Variants in MTERF4 observed in about 807,000 individuals in gnomAD.
MTERF4 encodes the protein transcription termination factor 4, mitochondrial.
Under a neutral mutation model 22.5 loss-of-function variants are expected in MTERF4, and 17 were observed. The observed-to-expected ratio is 0.75, with a 90% confidence interval of 0.52 to 1.13. MTERF4 has a LOEUF of 1.13. Ranked by LOEUF, MTERF4 falls within the 50% of genes most tolerant of loss-of-function variation. The pLI is 0.00. For synonymous variants in MTERF4, 165 were observed against 175.3 expected (o/e 0.94, Z 0.47); for missense variants, 420 against 466.8 (o/e 0.90, Z 0.92).
downstream of MTERF4, chr2:241,071,602 T>C (rs373292701): frequency 5.0e-6 from 8 of 1,588,458 alleles, no homozygotes; most frequent in East Asian, 2.3e-5. Flanking sequence ...TGACAGACGC[T>C]GGCACCAGGG....
chr2:241,058,777 C>T, the MTERF4 span, among the ~76,000 whole-genome samples: 2 of 152,036 alleles, frequency 1.3e-5, no homozygotes, highest in Non-Finnish European at 2.9e-5. Flanking sequence ...GGTGAAACCC[C>T]GTCTCTACTA....
the MTERF4 span, among the ~76,000 whole-genome samples, chr2:241,065,839 A>G: frequency 5.3e-5 from 8 of 152,024 alleles, no homozygotes; most frequent in African/African-American, 1.9e-4. Context: ...CAAGAGTGGG[A>G]GCAGCACAAC....
chr2:241,063,799 C>T, the MTERF4 span: 3 of 975,558 alleles, frequency 3.1e-6, no homozygotes, highest in South Asian at 1.6e-5. Flanking sequence ...GGGCAGGCCA[C>T]CTGGGGAGAG....
chr2:241,076,951 C>T (rs933860494), intron 4 of MTERF4, among the ~76,000 whole-genome samples: 12 of 152,060 alleles, frequency 7.9e-5, no homozygotes, highest in Non-Finnish European at 1.3e-4. Flanking sequence ...TGGTGGCGGG[C>T]GCCTGTGGTC....
At chr2:241,048,486 G>T in the MTERF4 span, 2 of 1,558,190 alleles carry the variant, frequency 1.3e-6, no homozygotes, top group Non-Finnish European at 1.7e-6. Context: ...TGGGGCAGGA[G>T]ACCCAGGGAG....
downstream of MTERF4, chr2:241,070,163 C>A (rs1329051630): frequency 1.9e-6 from 3 of 1,599,680 alleles, no homozygotes; most frequent in Non-Finnish European, 2.5e-6. Context: ...GAGCTCGGGC[C>A]GCAGCACAGC....
chr2:241,049,267 A>C, the MTERF4 span: 4 of 663,784 alleles, frequency 6.0e-6, no homozygotes, highest in Admixed American at 4.9e-5. Flanking sequence ...GCACCTGGGG[A>C]AGCCTCTCTC....
At chr2:241,065,331 A>G in the MTERF4 span, 1,058 of 1,612,838 alleles carry the variant, frequency 6.6e-4, 7 homozygotes, top group African/African-American at 0.011. Context: ...CAAGATGGAG[A>G]GAGTGGAGGA....
chr2:241,064,238 C>T, the MTERF4 span: 3 of 714,696 alleles, frequency 4.2e-6, no homozygotes, highest in Non-Finnish European at 4.5e-6. The surrounding 1 kb of genome is among the most constrained non-coding windows in gnomAD (Gnocchi z 7.0). Context: ...CCGCCTGCTC[C>T]CCGCCCTCTG....
the MTERF4 span, among the ~76,000 whole-genome samples, chr2:241,056,901 A>C: frequency 6.6e-6 from 1 of 152,280 alleles, no homozygotes; most frequent in South Asian, 2.1e-4. Flanking sequence ...ATGTTTTAAA[A>C]AACAGCATCA....
the MTERF4 span, among the ~76,000 whole-genome samples, chr2:241,063,156 C>T: frequency 6.6e-6 from 1 of 152,216 alleles, no homozygotes; most frequent in African/African-American, 2.4e-5. Context: ...AGGTGGGCGT[C>T]GGAGAGGGCA....
At chr2:241,051,782 G>A in the MTERF4 span, 4 of 1,552,270 alleles carry the variant, frequency 2.6e-6, no homozygotes, top group African/African-American at 1.4e-5. This position sits in a 1 kb window ranked among gnomAD's most constrained non-coding sequence, Gnocchi z 4.7. Flanking sequence ...CTGCCGGAAC[G>A]GGGGCACGTG....
Position 241,096,063 on chromosome 2 carries a change from CGTCATCCTCATCATT to C in MTERF4, c.1066_1080del (p.Asn356_Asp360del), listed in dbSNP as rs745932546. 1,032 of 1,613,370 alleles carry C rather than the reference CGTCATCCTCATCATT, an allele frequency of 6.4e-4. 5 individuals are homozygous for C. Among genetic ancestry groups the C allele is most frequent in the South Asian group, 5.4e-3 (489 of 91,064 alleles). On this transcript the variant is annotated inframe_deletion, in exon 4 of 4. Coordinates refer to ENST00000391980, the MANE Select transcript of MTERF4 (RefSeq NM_182501.4). This position sits in a 1 kb window ranked among gnomAD's most constrained non-coding sequence, Gnocchi z 5.1. ...TCCGCCTCGTCGTCGTCCTCATCAT[CGTCATCCTCATCATT>C]GTCATCCTCATCATTGTCCTCCTCA...
the MTERF4 span, among the ~76,000 whole-genome samples, chr2:241,052,693 G>T: frequency 6.7e-5 from 2 of 30,004 alleles, 1 homozygote; most frequent in Non-Finnish European, 1.2e-4. Context: ...GGGTCGGCGG[G>T]GGGGGGGGGG....
At chr2:241,088,513 A>C, downstream of MTERF4, 1 of 873,100 alleles carries the variant, frequency 1.1e-6, no homozygotes. Context: ...AGCACTGCTA[A>C]AGGAAGCGCG....
chr2:241,085,860 C>CTTTTTTTTTTTTTT (rs772995766), downstream of MTERF4, among the ~76,000 whole-genome samples: 5 of 79,162 alleles, frequency 6.3e-5, no homozygotes, highest in East Asian at 4.2e-4. Flanking sequence ...TCTGCGGTTT[C>CTTTTTTTTTTTTTT]TTTTTTTTTT....
At chr2:241,042,707 A>G in the MTERF4 span, among the ~76,000 whole-genome samples, 53 of 152,348 alleles carry the variant, frequency 3.5e-4, no homozygotes, top group African/African-American at 1.0e-3. Context: ...AATGAAAAAT[A>G]TATCTGAGTT....
chr2:241,101,136 T>C (rs904924213), intron 1 of MTERF4: 6 of 461,922 alleles, frequency 1.3e-5, no homozygotes, highest in Admixed American at 4.7e-5. Context: ...CACGTTGTAA[T>C]ATAAGATGAA....
At chr2:241,098,254 T>C (rs2064545248) in intron 2 of MTERF4, among the ~76,000 whole-genome samples, 1 of 152,228 alleles carries the variant, frequency 6.6e-6, no homozygotes, top group Non-Finnish European at 1.5e-5. Context: ...CCACCACACA[T>C]AATATATTTA....
Sources: gnomAD v4.1 joint callset for allele counts (sites outside exome capture counted in the v4.1 genomes callset) on GRCh38, gnomAD v4.1.1 for gene constraint, Gnocchi (gnomAD v3.1) non-coding constraint, MANE v1.5 for transcripts, NCBI Gene and HGNC (gene_info 2026-07-23, HGNC 2026-07-21) for gene names.